AFG2A: variants seen among roughly 807,000 people sequenced by gnomAD.
The protein encoded by AFG2A is AAA ATPase AFG2A.
the AFG2A span, among the ~76,000 whole-genome samples, chr4:123,181,288 T>C: frequency 1.1e-4 from 16 of 151,674 alleles, no homozygotes; most frequent in South Asian, 3.3e-3. Context: ...CCGGCCCTCC[T>C]CCTCTATTTT....
chr4:123,117,243 T>A, the AFG2A span, among the ~76,000 whole-genome samples: 1 of 151,998 alleles, frequency 6.6e-6, no homozygotes, highest in African/African-American at 2.4e-5. Flanking sequence ...GTTCATTTCA[T>A]AAAGGAGCTC....
chr4:123,286,507 C>G, the AFG2A span, among the ~76,000 whole-genome samples: 3 of 152,092 alleles, frequency 2.0e-5, no homozygotes, highest in African/African-American at 7.2e-5. Context: ...CTGTGTCCAT[C>G]TTATTTTTGA....
the AFG2A span, among the ~76,000 whole-genome samples, chr4:123,025,755 A>T: frequency 6.6e-6 from 1 of 152,144 alleles, no homozygotes; most frequent in Non-Finnish European, 1.5e-5. Flanking sequence ...ACCAATATGT[A>T]TGGTTTCTTC....
At chr4:123,127,459 T>C in the AFG2A span, among the ~76,000 whole-genome samples, 1 of 152,182 alleles carries the variant, frequency 6.6e-6, no homozygotes, top group East Asian at 1.9e-4. Context: ...CAAGCTGTAC[T>C]TTATATAATC....
At chr4:123,012,083 C>T in the AFG2A span, among the ~76,000 whole-genome samples, 65 of 137,136 alleles carry the variant, frequency 4.7e-4, 1 homozygote, top group Admixed American at 1.1e-3. Context: ...GGTGCTTGCC[C>T]CCCAGGAAAG....
the AFG2A span, among the ~76,000 whole-genome samples, chr4:122,933,053 ATGT>A: frequency 6.6e-6 from 1 of 152,196 alleles, no homozygotes; most frequent in East Asian, 1.9e-4. Context: ...TAGTGCTCAT[ATGT>A]GTGCATGTGT....
chr4:123,136,912 A>T, the AFG2A span, among the ~76,000 whole-genome samples: 4 of 152,054 alleles, frequency 2.6e-5, no homozygotes, highest in South Asian at 8.3e-4. Context: ...GAGGTCATTT[A>T]GTCAGTGGTC....
the AFG2A span, chr4:122,934,662 AT>A: frequency 6.8e-6 from 11 of 1,609,810 alleles, no homozygotes; most frequent in Non-Finnish European, 9.3e-6. Flanking sequence ...TGATAGGAGG[AT>A]TAAGTAGCCA....
chr4:123,228,156 G>T, the AFG2A span, among the ~76,000 whole-genome samples: 3 of 152,040 alleles, frequency 2.0e-5, no homozygotes, highest in African/African-American at 4.8e-5. Context: ...ACACTGATGG[G>T]TCTTGACTCT....
At chr4:123,051,006 A>T in the AFG2A span, among the ~76,000 whole-genome samples, 2 of 152,092 alleles carry the variant, frequency 1.3e-5, no homozygotes, top group African/African-American at 4.8e-5. Flanking sequence ...AAGTGCTGGG[A>T]TTACAGGTGT....
At chr4:123,102,112 A>G in the AFG2A span, 1 of 151,424 alleles carries the variant, frequency 6.6e-6, no homozygotes, top group East Asian at 1.9e-4. Flanking sequence ...TCAATGTTAT[A>G]TAAAAGGATG....
the AFG2A span, among the ~76,000 whole-genome samples, chr4:123,060,104 C>T: frequency 4.6e-5 from 7 of 152,286 alleles, no homozygotes; most frequent in East Asian, 1.4e-3. Flanking sequence ...AGAGGGGTTC[C>T]CATGGTCTTG....
chr4:123,013,847 A>G, the AFG2A span, among the ~76,000 whole-genome samples: 5 of 152,252 alleles, frequency 3.3e-5, no homozygotes, highest in African/African-American at 1.2e-4. Context: ...TATGTAATAT[A>G]GAAGGTACTA....
chr4:123,063,350 G>T, the AFG2A span, among the ~76,000 whole-genome samples: 37 of 152,272 alleles, frequency 2.4e-4, no homozygotes, highest in South Asian at 1.9e-3. Flanking sequence ...ATATTAGGCT[G>T]TAAACAGTCA....
At chr4:123,137,635 G>A in the AFG2A span, among the ~76,000 whole-genome samples, 9 of 152,006 alleles carry the variant, frequency 5.9e-5, no homozygotes, top group African/African-American at 2.2e-4. Flanking sequence ...TATCTTGTTT[G>A]CTGTACAGTC....
chr4:123,271,740 G>A, the AFG2A span, among the ~76,000 whole-genome samples: 12 of 152,156 alleles, frequency 7.9e-5, no homozygotes, highest in Admixed American at 7.8e-4. Flanking sequence ...CATTGTTCAC[G>A]TGATGGAACT....
the AFG2A span, among the ~76,000 whole-genome samples, chr4:123,295,351 T>C: frequency 1.3e-5 from 2 of 152,212 alleles, no homozygotes; most frequent in Non-Finnish European, 2.9e-5. Flanking sequence ...GGTTCTTTCC[T>C]CTTTACTGGA....
chr4:123,246,363 T>C, the AFG2A span, among the ~76,000 whole-genome samples: 1 of 152,226 alleles, frequency 6.6e-6, no homozygotes, highest in Non-Finnish European at 1.5e-5. Context: ...ACTTCGTTCC[T>C]GTGCTTCTTC....
At chr4:122,954,390 C>G in the AFG2A span, among the ~76,000 whole-genome samples, 2 of 152,310 alleles carry the variant, frequency 1.3e-5, no homozygotes, top group East Asian at 3.9e-4. Context: ...ATCTTTCAGG[C>G]AGAGACAAGT....
Sources: gnomAD v4.1 joint callset for allele counts (sites outside exome capture counted in the v4.1 genomes callset) on GRCh38, gnomAD v4.1.1 for gene constraint, MANE v1.5 for transcripts, NCBI Gene and HGNC (gene_info 2026-07-23, HGNC 2026-07-21) for gene names.